The following RTL9 variants were observed in gnomAD, a reference collection of about 807,000 sequenced individuals.
RTL9 encodes retrotransposon Gag like 9.
A neutral mutation model predicts 44.7 loss-of-function variants in RTL9; 19 were observed. The observed-to-expected ratio is 0.42, with a 90% CI of 0.30 to 0.62. RTL9 has a LOEUF of 0.62. Ranked by LOEUF, RTL9 falls within the 20% of genes least tolerant of loss-of-function variation. The pLI, the probability that RTL9 is intolerant of heterozygous loss-of-function variation, is 0.16. For missense variants in RTL9, 1,105 were observed against 1,080.6 expected (o/e 1.02, Z -0.32); for synonymous variants, 407 against 398.9 (o/e 1.02, Z -0.24).
chrX:110,455,655 G>A (rs2068976578), exon 2 of RTL9: 1 of 145,454 alleles, frequency 6.9e-6, no homozygotes, highest in Admixed American at 7.9e-5. Flanking sequence ...AAAACCCTTA[G>A]CGTATCTTGC....
chrX:110,435,488 A>G (rs2068832367), intron 1 of RTL9, among the ~76,000 whole-genome samples: 1 of 112,067 alleles, frequency 8.9e-6, no homozygotes, highest in Non-Finnish European at 1.9e-5. Flanking sequence ...TAACACTTTA[A>G]TTAGACCTAG....
chrX:110,384,544 T>G (rs926235199), intron 1 of RTL9, among the ~76,000 whole-genome samples: 1 of 111,744 alleles, frequency 8.9e-6, no homozygotes, highest in Admixed American at 9.5e-5. Context: ...TAATAAATAC[T>G]TTTACTTGAA....
intron 1 of RTL9, among the ~76,000 whole-genome samples, chrX:110,412,041 G>T (rs190667638): frequency 1.1e-4 from 12 of 112,911 alleles, no homozygotes; most frequent in Non-Finnish European, 2.1e-4. Flanking sequence ...GAAAGGCAAA[G>T]GGCCTATGCC....
At chrX:110,425,701 C>T (rs1327915580) in intron 1 of RTL9, among the ~76,000 whole-genome samples, 1 of 111,983 alleles carries the variant, frequency 8.9e-6, no homozygotes, top group African/African-American at 3.3e-5. Context: ...ACTATTATTT[C>T]CCCCACGTTA....
chrX:110,412,017 G>A (rs1342344150), intron 1 of RTL9, among the ~76,000 whole-genome samples: 1 of 112,786 alleles, frequency 8.9e-6, no homozygotes, highest in African/African-American at 3.2e-5. Flanking sequence ...ATAATGAACA[G>A]GCAATTCACA....
At chrX:110,449,713 C>T (rs998104392), upstream of RTL9, among the ~76,000 whole-genome samples, 1 of 112,429 alleles carries the variant, frequency 8.9e-6, no homozygotes, top group Non-Finnish European at 1.9e-5. Context: ...CTAGGCAACC[C>T]CCAGGAGGGG....
chrX:110,386,629 AT>A lies in RTL9; in HGVS notation c.-168+27721del, dbSNP rs749075623. On this transcript the variant is annotated intron_variant, in intron 1 of 2. Transcript: ENST00000520821. ...TGTGAATATTCTGTCATTCTGTGTAATTTTTTTTCATTTTCTTGAAGCTATT... is the reference window on the plus strand; with the variant it reads ...TGTGAATATTCTGTCATTCTGTGTAATTTTTTTCATTTTCTTGAAGCTATT... Among the ~76,000 whole-genome samples the A allele has an allele frequency of 4.3e-3, 476 of 111,219 alleles. 3 individuals are homozygous for A. Among genetic ancestry groups the A allele is most frequent in the African/African-American group, 0.014 (444 of 30,665 alleles).
intron 1 of RTL9, among the ~76,000 whole-genome samples, chrX:110,403,285 A>C (rs2068577099): frequency 8.9e-6 from 1 of 112,236 alleles, no homozygotes; most frequent in South Asian, 3.7e-4. Context: ...GGTACTATGG[A>C]GCTAAATAAT....
At chrX:110,410,225 G>A (rs189079929) in intron 1 of RTL9, among the ~76,000 whole-genome samples, 6 of 111,477 alleles carry the variant, frequency 5.4e-5, no homozygotes, top group Non-Finnish European at 9.4e-5. Context: ...GTGGTGGGAC[G>A]ATCTGACATT....
At chrX:110,392,175 T>C (rs1163363923) in intron 1 of RTL9, among the ~76,000 whole-genome samples, 2 of 111,435 alleles carry the variant, frequency 1.8e-5, no homozygotes, top group Non-Finnish European at 3.8e-5. Flanking sequence ...AAGTATCAAG[T>C]AATTATTCAA....
rs1276551045 is a variant in RTL9, at chrX:110,369,701, A to G, written c.-168+10785A>G. Among the ~76,000 whole-genome samples, 4 of 112,131 alleles carry G rather than the reference A, an allele frequency of 3.6e-5. No individual in the cohort carries two copies. In the South Asian group the frequency reaches 1.5e-3, roughly 42 times the overall value. On this transcript the variant is annotated intron_variant, in intron 1 of 2. Coordinates refer to the RTL9 transcript ENST00000520821. ...CTTACTAGTTTATTGTGAATTTTTT[A>G]GAGATAGCATGTATATTATACACAC...
At chrX:110,368,867 A>G (rs1461785970) in intron 1 of RTL9, among the ~76,000 whole-genome samples, 1 of 111,656 alleles carries the variant, frequency 9.0e-6, no homozygotes, top group Non-Finnish European at 1.9e-5. Context: ...GATTCCTGCC[A>G]TCTTCAGATG....
At chrX:110,424,397 G>C (rs1370273583) in intron 1 of RTL9, among the ~76,000 whole-genome samples, 3 of 111,502 alleles carry the variant, frequency 2.7e-5, no homozygotes, top group Non-Finnish European at 5.6e-5. Context: ...AGCACTCCTA[G>C]GTGCTTTGAA....
intron 1 of RTL9, among the ~76,000 whole-genome samples, chrX:110,373,108 C>T (rs1474855596): frequency 9.0e-6 from 1 of 111,408 alleles, no homozygotes; most frequent in African/African-American, 3.3e-5. Context: ...TATTATAAAC[C>T]CCATTTTATA....
intron 1 of RTL9, among the ~76,000 whole-genome samples, chrX:110,425,980 G>A (rs967162643): frequency 9.1e-5 from 10 of 109,403 alleles, no homozygotes; most frequent in African/African-American, 1.0e-4. Flanking sequence ...GTGCGTGCGC[G>A]CACACACACA....
intron 1 of RTL9, among the ~76,000 whole-genome samples, chrX:110,419,643 C>G (rs898657402): frequency 3.6e-5 from 4 of 112,024 alleles, no homozygotes; most frequent in East Asian, 5.6e-4. Flanking sequence ...GCAAAACCAT[C>G]TGGAAAATAT....
chrX:110,364,317 A>G (rs1292490210), intron 1 of RTL9, among the ~76,000 whole-genome samples: 2 of 111,525 alleles, frequency 1.8e-5, no homozygotes, highest in Admixed American at 9.5e-5. Context: ...ATCAGCAAAG[A>G]GTCATATTCT....
upstream of RTL9, among the ~76,000 whole-genome samples, chrX:110,447,923 G>A (rs1473936674): frequency 2.7e-5 from 3 of 111,601 alleles, no homozygotes; most frequent in Non-Finnish European, 5.7e-5. Flanking sequence ...CAGGAAAACT[G>A]GAGTACTCTG....
chrX:110,445,390 T>G lies in RTL9; in HGVS notation c.-52+122T>G, dbSNP rs1394554180. On this transcript the variant is annotated intron_variant, in intron 2 of 3. Coordinates refer to the RTL9 transcript ENST00000465301. Reference sequence around the variant, plus strand: ...AATAAGATGAGGTATGTAAAGTGTTTAACATAGTGCCTGGAATAGTAAGCA... The same window carrying G: ...AATAAGATGAGGTATGTAAAGTGTTGAACATAGTGCCTGGAATAGTAAGCA... 3.6e-5 allele frequency: 4 copies of G among 112,473 alleles called. No homozygotes were observed. The Admixed American group carries it at 3.8e-4, about 11-fold the overall frequency. 9.3% of individuals were successfully genotyped at this position (112,473 alleles called of 1,213,427 possible). A position where few individuals can be genotyped will look rare whatever the true frequency, so the allele number is the denominator to read the frequency against.
Sources: allele counts gnomAD v4.1 joint callset (sites outside exome capture counted in the v4.1 genomes callset), GRCh38; gene constraint gnomAD v4.1.1; transcripts MANE v1.5; gene names NCBI Gene and HGNC (gene_info 2026-07-23, HGNC 2026-07-21).